Variants in PCDHA1 observed in about 807,000 individuals in gnomAD.
PCDHA1 encodes protocadherin alpha-1.
In PCDHA1, 42 loss-of-function variants were observed where a neutral mutation model predicts 61.3. The ratio of observed to expected loss-of-function variants is 0.69; its 90% CI spans 0.54 to 0.89. The LOEUF (loss-of-function observed/expected upper bound fraction) is 0.89, where lower values mean the gene tolerates loss of function less well. Ranked by LOEUF, PCDHA1 falls within the 40% of genes least tolerant of loss-of-function variation. The probability of loss-of-function intolerance (pLI) is 0.00; values close to 1 mark genes in which losing one functional copy is unlikely to be tolerated. For missense variants in PCDHA1, 1,256 were observed against 1,235.3 expected (o/e 1.02, Z -0.25); for synonymous variants, 610 against 553.8 (o/e 1.10, Z -1.43).
At chr5:140,966,505 A>T in intron 1 of PCDHA1, 1 of 427,984 alleles carries the variant, frequency 2.3e-6, no homozygotes, top group Non-Finnish European at 4.1e-6. Context: ...CTGTAGCGGC[A>T]GCAGCAGCAG....
At chr5:140,945,147 T>C (rs1554216774) in intron 1 of PCDHA1, among the ~76,000 whole-genome samples, 1 of 152,154 alleles carries the variant, frequency 6.6e-6, no homozygotes, top group Non-Finnish European at 1.5e-5. Flanking sequence ...ATAGCATTTC[T>C]ATACACTATT....
intron 1 of PCDHA1, among the ~76,000 whole-genome samples, chr5:140,818,390 A>G (rs1766348268): frequency 6.6e-6 from 1 of 152,186 alleles, no homozygotes; most frequent in South Asian, 2.1e-4. Context: ...GCATTTTTCC[A>G]TTTTAGAATT....
intron 1 of PCDHA1, among the ~76,000 whole-genome samples, chr5:140,826,478 G>A (rs1218152841): frequency 6.6e-6 from 1 of 152,136 alleles, no homozygotes; most frequent in Non-Finnish European, 1.5e-5. Flanking sequence ...GCATTTTACT[G>A]TATATCAGAA....
intron 1 of PCDHA1, chr5:140,875,556 C>G (rs781896642): frequency 6.2e-7 from 1 of 1,614,128 alleles, no homozygotes; most frequent in East Asian, 2.2e-5. Flanking sequence ...AGGTGGGGAG[C>G]GGCCAGCTCC....
At chr5:140,926,946 A>G in intron 1 of PCDHA1, 1 of 1,590,228 alleles carries the variant, frequency 6.3e-7, no homozygotes. Context: ...GCGGCGCTGC[A>G]GCGGGACAGC....
At chr5:140,923,362 T>C (rs1294539314) in intron 1 of PCDHA1, among the ~76,000 whole-genome samples, 1 of 152,136 alleles carries the variant, frequency 6.6e-6, no homozygotes, top group East Asian at 1.9e-4. Context: ...CCTATCTTTA[T>C]AAAATATTTT....
At chr5:140,992,251 A>G (rs1554252780) in intron 3 of PCDHA1, among the ~76,000 whole-genome samples, 1 of 152,198 alleles carries the variant, frequency 6.6e-6, no homozygotes, top group Non-Finnish European at 1.5e-5. Flanking sequence ...AAGTAGAGCT[A>G]AAGATGAAAG....
At chr5:140,960,162 C>T (rs782387212) in intron 1 of PCDHA1, among the ~76,000 whole-genome samples, 3 of 152,064 alleles carry the variant, frequency 2.0e-5, no homozygotes, top group Non-Finnish European at 4.4e-5. Context: ...ACTGATAATA[C>T]AATTCTTAAG....
rs1554164208 is a variant in PCDHA1 at position 140,870,406 on chromosome 5, T to G, written c.2394+81722T>G. ...GCGGGATGGGGGTTCGCCTTCTCTG[T>G]GGGCCACGGCCAGGGTATCCGTGGA... On this transcript the variant is annotated intron_variant, in intron 1 of 3. Transcript: ENST00000504120. 1.2e-5 allele frequency: 20 copies of G among 1,614,192 alleles called. No individual in the cohort carries two copies. The highest frequency in any genetic ancestry group is 1.5e-5 in the Non-Finnish European group (18 of 1,180,034).
intron 1 of PCDHA1, chr5:140,804,878 A>G: frequency 7.2e-6 from 4 of 558,496 alleles, no homozygotes; most frequent in Non-Finnish European, 8.8e-6. Flanking sequence ...ATTTTTCTTG[A>G]CTCCTCTCCT....
intron 1 of PCDHA1, chr5:140,808,523 G>A (rs1554124614): frequency 1.2e-6 from 2 of 1,614,182 alleles, no homozygotes; most frequent in Non-Finnish European, 1.7e-6. Flanking sequence ...TGTGGAGGTG[G>A]CTGATGTGAA....
intron 1 of PCDHA1, chr5:140,875,267 C>T (rs1203068511): frequency 2.5e-6 from 3 of 1,210,992 alleles, no homozygotes; most frequent in Admixed American, 3.0e-5. Context: ...TGTCGCTCTA[C>T]ACTCAGAAGG....
chr5:141,010,446 C>T lies in PCDHA1; in HGVS notation c.*509C>T. The T allele has an allele frequency of 1.1e-6, 1 of 944,708 alleles. No homozygotes were observed. The highest frequency in any genetic ancestry group is 1.5e-6 in the Non-Finnish European group (1 of 656,274). 58.5% of individuals were successfully genotyped at this position (944,708 alleles called of 1,614,324 possible). ...AGGCAAGAAAACAAAGACAAATAAACAGCGGAAGTTATCAGTATGGAGGGG... is the reference window on the plus strand; with the variant it reads ...AGGCAAGAAAACAAAGACAAATAAATAGCGGAAGTTATCAGTATGGAGGGG... On this transcript the variant is annotated 3_prime_UTR_variant, in exon 4 of 4. Coordinates refer to ENST00000504120, the MANE Select transcript of PCDHA1 (RefSeq NM_018900.4).
chr5:140,948,670 A>G (rs951520840), intron 1 of PCDHA1, among the ~76,000 whole-genome samples: 1 of 151,654 alleles, frequency 6.6e-6, no homozygotes. Context: ...TAGTGATAAC[A>G]TCTTTTTCAT....
intron 1 of PCDHA1, chr5:140,856,553 T>C (rs1319185539): frequency 6.3e-7 from 1 of 1,598,066 alleles, no homozygotes; most frequent in African/African-American, 1.3e-5. Context: ...ATTGCTTACT[T>C]ACAAACTCAG....
At chr5:140,882,907 A>T (rs11744560) in intron 1 of PCDHA1, 226,049 of 1,614,134 alleles carry the variant, frequency 0.14, 16,618 homozygotes, top group Middle Eastern at 0.18. Context: ...TATTACTGAC[A>T]GCCAGTGATG....
At chr5:140,919,069 A>G (rs2078992601) in intron 1 of PCDHA1, among the ~76,000 whole-genome samples, 1 of 152,200 alleles carries the variant, frequency 6.6e-6, no homozygotes, top group African/African-American at 2.4e-5. Context: ...TAAAGTCTCC[A>G]GTTATGACTA....
chr5:140,870,614 C>T, intron 1 of PCDHA1: 2 of 1,613,212 alleles, frequency 1.2e-6, no homozygotes, highest in Non-Finnish European at 1.7e-6. Context: ...CGCGCGCTGT[C>T]GAGCTACGTG....
At chr5:140,870,227 A>G in intron 1 of PCDHA1, 1 of 1,614,142 alleles carries the variant, frequency 6.2e-7, no homozygotes, top group Non-Finnish European at 8.5e-7. Flanking sequence ...AGCGTGTCTG[A>G]CCGTGACTCA....
Sources: allele counts gnomAD v4.1 joint callset (sites outside exome capture counted in the v4.1 genomes callset), GRCh38; gene constraint gnomAD v4.1.1; transcripts MANE v1.5; gene names NCBI Gene and HGNC (gene_info 2026-07-23, HGNC 2026-07-21).